Variants in CHCHD3 observed in about 807,000 individuals in gnomAD.
CHCHD3 encodes MICOS complex subunit MIC19.
CHCHD3 carries 20 observed loss-of-function variants against 38.2 expected under a neutral mutation model. The ratio of observed to expected loss-of-function variants is 0.52; its 90% confidence interval spans 0.37 to 0.76. The LOEUF is 0.76. Among genes scored for constraint, CHCHD3 ranks in the 30% least tolerant of loss-of-function variants. The pLI, the probability that CHCHD3 is intolerant of heterozygous loss-of-function variation, is 0.00. For synonymous variants in CHCHD3, 82 were observed against 100.0 expected, an observed-to-expected ratio of 0.82 and a Z score of 1.07; for missense variants, 245 against 279.2, an observed-to-expected ratio of 0.88 and a Z score of 0.87.
intron 4 of CHCHD3, among the ~76,000 whole-genome samples, chr7:132,901,475 G>A (rs1039658900): frequency 1.3e-5 from 2 of 152,188 alleles, no homozygotes; most frequent in Non-Finnish European, 2.9e-5. Flanking sequence ...AAAGGCAAAG[G>A]CCACAGGAGG....
At chr7:133,036,493 G>A (rs915750460) in intron 2 of CHCHD3, among the ~76,000 whole-genome samples, 2 of 152,122 alleles carry the variant, frequency 1.3e-5, no homozygotes, top group Admixed American at 6.5e-5. Context: ...GTGGGTGTTG[G>A]GGGTATATAC....
At chr7:132,827,794 G>C (rs1158278577) in intron 6 of CHCHD3, among the ~76,000 whole-genome samples, 2 of 152,220 alleles carry the variant, frequency 1.3e-5, no homozygotes, top group East Asian at 3.9e-4. Flanking sequence ...TTTGCATCTG[G>C]CTTCTTTGTG....
chr7:132,973,201 CAA>C (rs1399318132), intron 4 of CHCHD3: 3 of 985,126 alleles, frequency 3.0e-6, no homozygotes, highest in East Asian at 2.3e-4. Context: ...AGATAAGATT[CAA>C]AAGAGTAAAA....
intron 3 of CHCHD3, among the ~76,000 whole-genome samples, chr7:132,996,236 G>A (rs1437150066): frequency 2.0e-5 from 3 of 152,052 alleles, no homozygotes; most frequent in Non-Finnish European, 4.4e-5. Context: ...ACCCTTCTGT[G>A]GACCTTTATG....
chr7:132,891,054 CTT>C (rs1809348198), intron 4 of CHCHD3, among the ~76,000 whole-genome samples: 1 of 152,158 alleles, frequency 6.6e-6, no homozygotes, highest in East Asian at 1.9e-4. Context: ...GAACCATAAA[CTT>C]GTAAGGTAAT....
At chr7:132,793,651 C>T (rs986748777) in intron 7 of CHCHD3, among the ~76,000 whole-genome samples, 2 of 152,104 alleles carry the variant, frequency 1.3e-5, no homozygotes, top group African/African-American at 4.8e-5. Context: ...AGAACAATGC[C>T]CCAGGGAACC....
intron 4 of CHCHD3, among the ~76,000 whole-genome samples, chr7:132,921,228 T>C (rs886830380): frequency 6.6e-6 from 1 of 152,202 alleles, no homozygotes; most frequent in South Asian, 2.1e-4. Flanking sequence ...GGTCTATATA[T>C]ACATTAAGCA....
At chr7:132,908,173 C>T (rs909563248) in intron 4 of CHCHD3, among the ~76,000 whole-genome samples, 36 of 152,142 alleles carry the variant, frequency 2.4e-4, no homozygotes, top group African/African-American at 8.7e-4. Flanking sequence ...GAATTGTTTG[C>T]TTTAACCATC....
intron 4 of CHCHD3, among the ~76,000 whole-genome samples, chr7:132,903,279 G>A (rs890157098): frequency 6.6e-6 from 1 of 152,092 alleles, no homozygotes; most frequent in Non-Finnish European, 1.5e-5. Flanking sequence ...TGCTATGTAA[G>A]TAATTATTAT....
intron 1 of CHCHD3, among the ~76,000 whole-genome samples, chr7:133,079,627 A>G (rs1201117894): frequency 6.6e-6 from 1 of 152,250 alleles, no homozygotes; most frequent in Non-Finnish European, 1.5e-5. Flanking sequence ...TAAGGAAATA[A>G]AAGAAGTCAA....
chr7:133,027,397 G>C (rs1372137698), intron 2 of CHCHD3, among the ~76,000 whole-genome samples: 2 of 129,712 alleles, frequency 1.5e-5, no homozygotes, highest in Non-Finnish European at 3.2e-5. Flanking sequence ...AAGAGAGAGA[G>C]AGGGAGAAAG....
chr7:132,994,729 AAC>A (rs1373335802), intron 3 of CHCHD3, among the ~76,000 whole-genome samples: 1 of 152,228 alleles, frequency 6.6e-6, no homozygotes, highest in Non-Finnish European at 1.5e-5. Flanking sequence ...AACAATTTCC[AAC>A]AGTCTTACTT....
In CHCHD3 at chr7:132,967,215, T is replaced by C. The variant is rs146560459; in HGVS notation, c.369+7954A>G. Among the ~76,000 whole-genome samples the C allele has an allele frequency of 7.1e-3, 1,071 of 151,796 alleles. 11 individuals carry two copies. The highest frequency in any genetic ancestry group is 0.024 in the African/African-American group (996 of 41,062). On this transcript the variant is annotated intron_variant, in intron 4 of 7. Transcript: ENST00000262570. ...TGAGAACACATTCTAAGCAGAGTTATTCCCCCTAGCTGTCCTTAAATATGA... is the reference window on the plus strand; with the variant it reads ...TGAGAACACATTCTAAGCAGAGTTACTCCCCCTAGCTGTCCTTAAATATGA...
At chr7:132,965,487 T>C (rs1202454885) in intron 4 of CHCHD3, among the ~76,000 whole-genome samples, 3 of 151,996 alleles carry the variant, frequency 2.0e-5, no homozygotes, top group East Asian at 1.9e-4. Context: ...AAAACAAATA[T>C]TGCTTTTACT....
intron 1 of CHCHD3, among the ~76,000 whole-genome samples, chr7:133,072,029 C>T (rs1482639577): frequency 6.6e-6 from 1 of 151,996 alleles, no homozygotes; most frequent in Non-Finnish European, 1.5e-5. Flanking sequence ...GTTTGCACAA[C>T]TCAGTAAATT....
chr7:132,842,709 A>AT (rs1270314456), intron 5 of CHCHD3, among the ~76,000 whole-genome samples: 5 of 152,122 alleles, frequency 3.3e-5, no homozygotes, highest in African/African-American at 1.2e-4. Context: ...GCGTTTTCTC[A>AT]TGGTTAAGAG....
chr7:132,842,620 T>C (rs1268199936), intron 5 of CHCHD3, among the ~76,000 whole-genome samples: 2 of 152,324 alleles, frequency 1.3e-5, no homozygotes, highest in East Asian at 1.9e-4. Flanking sequence ...TCAGTCTTCC[T>C]TCTCTGTTAT....
At chr7:132,948,067 GTT>G (rs1389677677) in intron 4 of CHCHD3, among the ~76,000 whole-genome samples, 6 of 152,018 alleles carry the variant, frequency 3.9e-5, no homozygotes, top group African/African-American at 1.2e-4. Flanking sequence ...AACAAGACTA[GTT>G]TTTTGTTTTG....
intron 4 of CHCHD3, among the ~76,000 whole-genome samples, chr7:132,902,768 G>A (rs1246240693): frequency 6.6e-6 from 1 of 152,030 alleles, no homozygotes; most frequent in African/African-American, 2.4e-5. Context: ...GTATACATAT[G>A]TAACAAACCT....
Sources: gnomAD v4.1 joint callset for allele counts (sites outside exome capture counted in the v4.1 genomes callset) on GRCh38, gnomAD v4.1.1 for gene constraint, MANE v1.5 for transcripts, NCBI Gene and HGNC (gene_info 2026-07-23, HGNC 2026-07-21) for gene names.